Variants in EPHA6 observed in about 807,000 individuals in gnomAD.
The protein encoded by EPHA6 is ephrin type-A receptor 6.
In EPHA6, 50 loss-of-function variants were observed where a neutral mutation model predicts 112.0. That is an observed-to-expected ratio of 0.45 (90% confidence interval 0.36 to 0.56). EPHA6 has a LOEUF of 0.56. Among genes scored for constraint, EPHA6 ranks in the 20% least tolerant of loss-of-function variants. The pLI is 0.00. For synonymous variants in EPHA6, 529 were observed against 490.7 expected (o/e 1.08, Z -1.03); for missense variants, 1,280 against 1,417.4 (o/e 0.90, Z 1.56).
At chr3:97,178,600 G>A (rs376131333) in intron 3 of EPHA6, among the ~76,000 whole-genome samples, 1 of 152,020 alleles carries the variant, frequency 6.6e-6, no homozygotes, top group African/African-American at 2.4e-5. Context: ...ATGTTTGAAG[G>A]ATATTTTCAC....
At chr3:97,156,125 A>G (rs1033605345) in intron 3 of EPHA6, among the ~76,000 whole-genome samples, 3 of 152,186 alleles carry the variant, frequency 2.0e-5, no homozygotes, top group Admixed American at 2.0e-4. Context: ...TCAGCTCTGT[A>G]AATGGATATA....
intron 5 of EPHA6, among the ~76,000 whole-genome samples, chr3:97,385,118 CT>C (rs1046244232): frequency 6.6e-6 from 1 of 152,226 alleles, no homozygotes; most frequent in African/African-American, 2.4e-5. Flanking sequence ...CTCATCATAG[CT>C]TTATCAATCT....
intron 5 of EPHA6, among the ~76,000 whole-genome samples, chr3:97,339,388 A>G (rs2083203658): frequency 6.6e-6 from 1 of 151,764 alleles, no homozygotes; most frequent in African/African-American, 2.4e-5. Context: ...TCTCTTCATC[A>G]CTCCTTCCTC....
At chr3:97,327,137 G>GGAATTGTTTACTGCT (rs536872323) in intron 5 of EPHA6, among the ~76,000 whole-genome samples, 283 of 152,092 alleles carry the variant, frequency 1.9e-3, no homozygotes, top group Non-Finnish European at 3.4e-3. Context: ...GAATTAAACA[G>GGAATTGTTTACTGCT]GAATGTTTAC....
chr3:97,576,856 G>A (rs185720287), intron 11 of EPHA6, among the ~76,000 whole-genome samples: 1 of 152,224 alleles, frequency 6.6e-6, no homozygotes, highest in Non-Finnish European at 1.5e-5. Flanking sequence ...TTTTAAGTGT[G>A]AAAGGTACAA....
intron 5 of EPHA6, among the ~76,000 whole-genome samples, chr3:97,288,595 C>T (rs190707163): frequency 4.6e-5 from 7 of 152,206 alleles, no homozygotes; most frequent in East Asian, 3.9e-4. Context: ...AATATGTACA[C>T]GTTAATGAGA....
chr3:97,478,902 C>CT (rs112769747), intron 8 of EPHA6, among the ~76,000 whole-genome samples: 28,854 of 152,080 alleles, frequency 0.19, 4,117 homozygotes, highest in African/African-American at 0.38. Flanking sequence ...AATAAAACTG[C>CT]TGAACCATCC....
chr3:97,143,700 A>G (rs2075967310), intron 3 of EPHA6, among the ~76,000 whole-genome samples: 1 of 151,738 alleles, frequency 6.6e-6, no homozygotes, highest in Admixed American at 6.6e-5. Flanking sequence ...CCCAGGGTCA[A>G]TGGCTTCCTT....
intron 3 of EPHA6, among the ~76,000 whole-genome samples, chr3:97,095,123 C>G (rs550551589): frequency 6.6e-6 from 1 of 152,064 alleles, no homozygotes; most frequent in African/African-American, 2.4e-5. Flanking sequence ...TTAATTGAAA[C>G]TATTTTCAAC....
chr3:97,336,415 T>C (rs928064074), intron 5 of EPHA6, among the ~76,000 whole-genome samples: 1 of 152,154 alleles, frequency 6.6e-6, no homozygotes, highest in East Asian at 1.9e-4. Flanking sequence ...TAAAGAGCAT[T>C]CTGCTGTCAT....
At chr3:97,384,186 G>T (rs1027766154) in intron 5 of EPHA6, among the ~76,000 whole-genome samples, 3 of 152,136 alleles carry the variant, frequency 2.0e-5, no homozygotes, top group African/African-American at 7.2e-5. Context: ...TTGAGTGGTT[G>T]CCATGTGTCA....
At chr3:97,677,236 C>T (rs2031468243) in intron 14 of EPHA6, among the ~76,000 whole-genome samples, 1 of 152,074 alleles carries the variant, frequency 6.6e-6, no homozygotes, top group African/African-American at 2.4e-5. Flanking sequence ...GTAAAATACA[C>T]ACCAGATTAA....
chr3:97,150,807 A>T (rs1167528682), intron 3 of EPHA6, among the ~76,000 whole-genome samples: 1 of 151,658 alleles, frequency 6.6e-6, no homozygotes, highest in Non-Finnish European at 1.5e-5. Flanking sequence ...TCCTCCTCTA[A>T]TTTCTAATCT....
intron 1 of EPHA6, among the ~76,000 whole-genome samples, chr3:96,839,349 T>C (rs919463535): frequency 3.3e-5 from 5 of 152,066 alleles, no homozygotes; most frequent in Admixed American, 6.6e-5. Flanking sequence ...ATCTAGGTTG[T>C]GTGCTCCGTA....
chr3:96,829,943 G>A (rs528121980), intron 1 of EPHA6, among the ~76,000 whole-genome samples: 9 of 94,654 alleles, frequency 9.5e-5, no homozygotes, highest in Admixed American at 4.1e-4. Flanking sequence ...GCATGTGCGC[G>A]CGCGCGCACA....
In EPHA6 at chr3:97,611,695, A is replaced by G. The variant is rs567141513; in HGVS notation, c.2574+841A>G. ...TCTGTCTATCTGTCTATCTATCTATATATATATAACTATTTTTCTCACTTA... is the reference window on the plus strand; with the variant it reads ...TCTGTCTATCTGTCTATCTATCTATGTATATATAACTATTTTTCTCACTTA... On this transcript the variant is annotated intron_variant, in intron 13 of 17. Coordinates refer to ENST00000389672, the MANE Select transcript of EPHA6 (RefSeq NM_001080448.3). Among the ~76,000 whole-genome samples the G allele has an allele frequency of 3.3e-5, 5 of 151,970 alleles. 1 individual carries two copies. In the South Asian group the frequency reaches 1.0e-3, roughly 31 times the overall value.
chr3:96,846,778 A>G (rs951502341), intron 1 of EPHA6, among the ~76,000 whole-genome samples: 1 of 152,036 alleles, frequency 6.6e-6, no homozygotes, highest in Admixed American at 6.6e-5. Context: ...GAAACTATGG[A>G]GTAGCTCCAG....
chr3:97,693,518 G>A (rs752567531), intron 14 of EPHA6, among the ~76,000 whole-genome samples: 1 of 152,088 alleles, frequency 6.6e-6, no homozygotes, highest in Non-Finnish European at 1.5e-5. Flanking sequence ...TTTCACTATC[G>A]AATTGGGATT....
At chr3:97,151,419 A>G (rs973557662) in intron 3 of EPHA6, among the ~76,000 whole-genome samples, 1 of 152,140 alleles carries the variant, frequency 6.6e-6, no homozygotes, top group East Asian at 1.9e-4. Flanking sequence ...TGCCTTATAC[A>G]TAGTAGGTAA....
Sources: allele counts gnomAD v4.1 joint callset (sites outside exome capture counted in the v4.1 genomes callset), GRCh38; gene constraint gnomAD v4.1.1; transcripts MANE v1.5; gene names NCBI Gene and HGNC (gene_info 2026-07-23, HGNC 2026-07-21).